The following SLC4A2 variants were observed in gnomAD, a reference collection of about 807,000 sequenced individuals.
SLC4A2 encodes solute carrier family 4 member 2, also known as anion exchange protein 2.
Under a neutral mutation model 115.0 loss-of-function variants are expected in SLC4A2, and 36 were observed. That is an observed-to-expected ratio of 0.31 (90% CI 0.24 to 0.41). The LOEUF (loss-of-function observed/expected upper bound fraction) is 0.41, where lower values mean the gene tolerates loss of function less well. SLC4A2 is among the 10% of genes least tolerant of loss of function. The pLI, the probability that SLC4A2 is intolerant of heterozygous loss-of-function variation, is 1.00. For missense variants in SLC4A2, 1,252 were observed against 1,705.6 expected, an observed-to-expected ratio of 0.73 and a Z score of 4.68; for synonymous variants, 708 against 708.3, an observed-to-expected ratio of 1.00 and a Z score of 0.01.
chr7:151,065,276 G>T (rs999488770), intron 5 of SLC4A2, among the ~76,000 whole-genome samples: 1 of 151,676 alleles, frequency 6.6e-6, no homozygotes, highest in African/African-American at 2.4e-5. Context: ...ACCCCTGCCC[G>T]TCTCCCACCC....
intron 20 of SLC4A2, 41 bp from the exon 21 acceptor site, chr7:151,075,565 G>A: frequency 6.3e-7 from 1 of 1,586,176 alleles, no homozygotes; most frequent in South Asian, 1.1e-5. Flanking sequence ...ACTGGGGCCA[G>A]GGGACCCCGG....
At chr7:151,063,887 C>G (rs1353467064) in intron 2 of SLC4A2, among the ~76,000 whole-genome samples, 1 of 152,092 alleles carries the variant, frequency 6.6e-6, no homozygotes, top group East Asian at 1.9e-4. Context: ...CGCCACCACG[C>G]CTGGCTAATT....
chr7:151,069,352 G>A (rs1271841845), intron 8 of SLC4A2, among the ~76,000 whole-genome samples: 1 of 152,084 alleles, frequency 6.6e-6, no homozygotes, highest in Non-Finnish European at 1.5e-5. Context: ...CCTGAAAGTT[G>A]GCCTTGCCAG....
At chr7:151,062,662 A>C in intron 2 of SLC4A2, 1 of 1,521,622 alleles carries the variant, frequency 6.6e-7, no homozygotes, top group African/African-American at 1.4e-5. Flanking sequence ...CTGCGGCCTC[A>C]GGTGCGAGGG....
In SLC4A2 at chr7:151,066,885, G is replaced by A; in HGVS notation, c.858G>A (p.Arg286=). 1 of 1,613,702 alleles carries A rather than the reference G, an allele frequency of 6.2e-7. No individual in the cohort carries two copies. The highest frequency in any genetic ancestry group is 8.5e-7 in the Non-Finnish European group (1 of 1,179,808). ...HRFEDVPGVR[R]HLVRKNAKGS... ...TTGAGGACGTTCCTGGGGTGCGGCG[G>A]CACTTGGTGCGGAAGAATGCCAAAG... The change falls in exon 7 of 23, where the codon CGG becomes CGA. Residue 286 remains arginine, a synonymous_variant. Transcript: ENST00000413384.
intron 1 of SLC4A2, chr7:151,061,706 C>A (rs1307511482): frequency 1.7e-5 from 8 of 462,552 alleles, no homozygotes; most frequent in Non-Finnish European, 3.1e-5. Flanking sequence ...CTCTACTCAG[C>A]CTCTCGGCCC....
intron 7 of SLC4A2, among the ~76,000 whole-genome samples, chr7:151,067,427 A>C (rs1017208689): frequency 5.9e-5 from 9 of 152,190 alleles, no homozygotes; most frequent in African/African-American, 2.2e-4. Context: ...ACACTGCACA[A>C]GAGTGCAGTA....
In SLC4A2 at chr7:151,059,977, A is replaced by T. The variant is rs1796994224; in HGVS notation, c.-64+215A>T. ...GGGCATTCCGGGGTCCCCTTCTCAG[A>T]GTTCCCTAAAGCCAGGGTGCCGCGC... On this transcript the variant is annotated intron_variant, in intron 1 of 22. Transcript: ENST00000413384. This position sits in a 1 kb window ranked among gnomAD's most constrained non-coding sequence, Gnocchi z 5.8. The T allele has an allele frequency of 6.6e-6, 1 of 152,034 alleles. No homozygotes were observed. Among genetic ancestry groups the T allele is most frequent in the South Asian group, 2.1e-4 (1 of 4,834 alleles). 9.4% of individuals were successfully genotyped at this position (152,034 alleles called of 1,614,324 possible). A position where few individuals can be genotyped will look rare whatever the true frequency, so the allele number is the denominator to read the frequency against.
chr7:151,058,255 G>C, upstream of SLC4A2: 1 of 268,676 alleles, frequency 3.7e-6, no homozygotes, highest in East Asian at 9.0e-5. Flanking sequence ...ACGCGTTCCA[G>C]AATGCAGCGG....
Position 151,075,995 on chromosome 7 carries a change from C to T in SLC4A2, c.3472-18C>T. ...CAGGCTAGGGAGGAAGCTGGGCTCA[C>T]CTGTCTCCGCCCCCCAGGTCCGGAC... On this transcript the variant is annotated intron_variant, in intron 21 of 22. Transcript: ENST00000413384. 1 of 1,567,412 alleles carries T rather than the reference C, an allele frequency of 6.4e-7. No homozygotes were observed. The highest frequency in any genetic ancestry group is 1.2e-5 in the South Asian group (1 of 84,392).
Position 151,071,861 on chromosome 7 carries a change from C to T in SLC4A2, c.2340+24C>T. 1 of 1,601,212 alleles carries T rather than the reference C, an allele frequency of 6.2e-7. No individual in the cohort carries two copies. Among genetic ancestry groups the T allele is most frequent in the Non-Finnish European group, 8.5e-7 (1 of 1,172,958 alleles). On this transcript the variant is annotated intron_variant, in intron 15 of 22. Transcript: ENST00000413384. This position sits in a 1 kb window ranked among gnomAD's most constrained non-coding sequence, Gnocchi z 5.5. ...CGGTGAGGGCTCTTCTCGCCCATCTCCAGCCGCCCCTCCCGTGCCCTAGAC... is the reference window on the plus strand; with the variant it reads ...CGGTGAGGGCTCTTCTCGCCCATCTTCAGCCGCCCCTCCCGTGCCCTAGAC...
At chr7:151,062,217 G>A (rs529941658) in intron 2 of SLC4A2, among the ~76,000 whole-genome samples, 179 bp downstream of exon 2, 29 of 152,262 alleles carry the variant, frequency 1.9e-4, no homozygotes, top group African/African-American at 6.7e-4. Flanking sequence ...GGTAGTGGGG[G>A]TATCAGACGT....
At chr7:151,068,832 A>T (rs567846732) in intron 8 of SLC4A2, among the ~76,000 whole-genome samples, 25 of 146,332 alleles carry the variant, frequency 1.7e-4, no homozygotes, top group South Asian at 8.6e-4. Context: ...AAATTAAATT[A>T]AAAAAAAAAA....
In SLC4A2 at chr7:151,066,698, C is replaced by G; in HGVS notation, c.760C>G (p.Arg254Gly). ...TGGGGCTGAGCAGGCACTGCTGCCC[C>G]GGGTCCCCACGGATGAGATTGAGGC... ...MTGAEQALLP[R>G]VPTDEIEAQT... is the part of the protein sequence containing the mutation. The change falls in exon 6 of 23, where the codon CGG (arginine) becomes GGG (glycine). Residue 254 changes from arginine (R) to glycine (G), a missense_variant. By Grantham distance (125) the Arg-to-Gly change is moderately radical. This residue lies in a region of SLC4A2 where 42 missense variants were observed against 93.1 expected (regional missense o/e 0.45). Transcript: ENST00000413384. 2.6e-6 allele frequency: 4 copies of G among 1,552,080 alleles called. No individual in the cohort carries two copies. The South Asian group carries it at 4.8e-5, about 18-fold the overall frequency.
rs1324366012 is a variant in SLC4A2 at position 151,071,557 on chromosome 7, A to G, written c.2143A>G (p.Ile715Val). 1.2e-6 allele frequency: 2 copies of G among 1,613,868 alleles called. No homozygotes were observed. Among genetic ancestry groups the G allele is most frequent in the Non-Finnish European group, 1.7e-6 (2 of 1,179,954 alleles). The change falls in exon 14 of 23, where the codon ATC becomes GTC. Residue 715 changes from isoleucine to valine, a missense_variant. This residue lies in a region of SLC4A2 where 118 missense variants were observed against 203.3 expected (regional missense o/e 0.58). Transcript: ENST00000413384. The surrounding 1 kb of genome is among the most constrained non-coding windows in gnomAD (Gnocchi z 5.5). Reference protein sequence around the residue: ...DPQCLAAVIFIYFAALSPAIT... With the variant: ...DPQCLAAVIFVYFAALSPAIT... ...TCAGTGCCTGGCCGCAGTCATCTTC[A>G]TCTACTTTGCCGCCCTGTCTCCTGC...
chr7:151,065,017 G>A (rs936722098), intron 5 of SLC4A2, 51 bp downstream of exon 5: 2 of 1,227,286 alleles, frequency 1.6e-6, no homozygotes, highest in Non-Finnish European at 2.4e-6. Flanking sequence ...CCCCTGCTAG[G>A]ATAGTGAGGT....
intron 22 of SLC4A2, 33 bp downstream of exon 22, chr7:151,076,219 C>G (rs1797633198): frequency 1.2e-6 from 2 of 1,608,832 alleles, no homozygotes; most frequent in South Asian, 2.2e-5. Flanking sequence ...CCCGGTTCCT[C>G]TTGCCTCCCT....
At chr7:151,070,613 C>T (rs1797402076) in intron 11 of SLC4A2, 42 bp downstream of exon 11, 2 of 1,601,312 alleles carry the variant, frequency 1.2e-6, no homozygotes, top group Non-Finnish European at 8.5e-7. Context: ...GGTGGCCAGG[C>T]CTTGAGGCAG....
At chr7:151,074,649 G>A in intron 18 of SLC4A2, 26 bp from the exon 19 acceptor site, 1 of 1,583,846 alleles carries the variant, frequency 6.3e-7, no homozygotes, top group Non-Finnish European at 8.6e-7. Flanking sequence ...CTTAACCCTT[G>A]TCCCTACACT....
Sources: gnomAD v4.1 joint callset for allele counts (sites outside exome capture counted in the v4.1 genomes callset) on GRCh38, gnomAD v4.1.1 for gene constraint, gnomAD v4.1.1 regional missense constraint, Gnocchi (gnomAD v3.1) non-coding constraint, MANE v1.5 for transcripts, NCBI Gene and HGNC (gene_info 2026-07-23, HGNC 2026-07-21) for gene names.